The following PCDHGB4 variants were observed in gnomAD, a reference collection of about 807,000 sequenced individuals.
PCDHGB4 encodes the protein protocadherin gamma subfamily B, 4, also known as protocadherin gamma-B4.
Under a neutral mutation model 60.5 loss-of-function variants are expected in PCDHGB4, and 38 were observed. The observed-to-expected ratio is 0.63, with a 90% confidence interval of 0.48 to 0.82. The LOEUF (loss-of-function observed/expected upper bound fraction) is 0.82, where lower values mean the gene tolerates loss of function less well. PCDHGB4 is among the 40% of genes least tolerant of loss of function. The probability of loss-of-function intolerance (pLI) is 0.00; values close to 1 mark genes in which losing one functional copy is unlikely to be tolerated. For missense variants in PCDHGB4, 1,109 were observed against 1,209.6 expected, an observed-to-expected ratio of 0.92 and a Z score of 1.23; for synonymous variants, 456 against 509.7, an observed-to-expected ratio of 0.89 and a Z score of 1.42.
rs752316565 is a variant in PCDHGB4 at position 141,487,235 on chromosome 5, C to T, written c.2398-7572C>T. On this transcript the variant is annotated intron_variant, in intron 1 of 3. Coordinates refer to ENST00000519479, the MANE Select transcript of PCDHGB4 (RefSeq NM_003736.4). This position sits in a 1 kb window ranked among gnomAD's most constrained non-coding sequence, Gnocchi z 5.0. The stretch of plus-strand genomic sequence containing the variant: ...TTCAGCTCCAAGGGAAGGAGAATCT[C>T]GTCTAACCCTCTACTTGGCTGTGTC... The T allele has an allele frequency of 2.5e-6, 4 of 1,614,126 alleles. No individual in the cohort carries two copies. Among genetic ancestry groups the T allele is most frequent in the Non-Finnish European group, 3.4e-6 (4 of 1,179,994 alleles).
rs376101780 is a variant in PCDHGB4, at chr5:141,485,901, A to G, written c.2398-8906A>G. 3 of 1,614,026 alleles carry G rather than the reference A, an allele frequency of 1.9e-6. No homozygotes were observed. In the African/African-American group the frequency reaches 4.0e-5, roughly 22 times the overall value. Reference sequence around the variant, plus strand: ...GTAAACGACAACGCCCCAGCCTTCCAGCAATCCAGCTACAGGATTAGTGTG... The same window carrying G: ...GTAAACGACAACGCCCCAGCCTTCCGGCAATCCAGCTACAGGATTAGTGTG... On this transcript the variant is annotated intron_variant, in intron 1 of 3. Coordinates refer to ENST00000519479, the MANE Select transcript of PCDHGB4 (RefSeq NM_003736.4). This position sits in a 1 kb window ranked among gnomAD's most constrained non-coding sequence, Gnocchi z 5.7.
intron 1 of PCDHGB4, among the ~76,000 whole-genome samples, chr5:141,438,828 A>T (rs1364963084): frequency 6.7e-6 from 1 of 149,956 alleles, no homozygotes; most frequent in Non-Finnish European, 1.5e-5. Context: ...TGCCCAGCTA[A>T]TTTTTTAAAA....
In PCDHGB4 at chr5:141,476,990, C is replaced by A; in HGVS notation, c.2398-17817C>A. On this transcript the variant is annotated intron_variant, in intron 1 of 3. Coordinates refer to ENST00000519479, the MANE Select transcript of PCDHGB4 (RefSeq NM_003736.4). The surrounding 1 kb of genome is among the most constrained non-coding windows in gnomAD (Gnocchi z 7.6). Reference sequence around the variant, plus strand: ...CGGCAGCCACAACCGCGCCGGCGTGCGGCAACTATTCGCCTTAGACCTTGT... The same window carrying A: ...CGGCAGCCACAACCGCGCCGGCGTGAGGCAACTATTCGCCTTAGACCTTGT... The A allele has an allele frequency of 6.2e-7, 1 of 1,614,220 alleles. No individual in the cohort carries two copies. Among genetic ancestry groups the A allele is most frequent in the South Asian group, 1.1e-5 (1 of 91,090 alleles).
intron 1 of PCDHGB4, chr5:141,403,040 C>T: frequency 1.2e-6 from 2 of 1,614,068 alleles, no homozygotes; most frequent in Non-Finnish European, 1.7e-6. Context: ...CAGGGCCAGT[C>T]AGATTCGCTA....
At chr5:141,475,014 C>G (rs2099358221) in intron 1 of PCDHGB4, among the ~76,000 whole-genome samples, 1 of 152,202 alleles carries the variant, frequency 6.6e-6, no homozygotes, top group South Asian at 2.1e-4. Flanking sequence ...AAAGTTAAGG[C>G]TCTTTATTCT....
chr5:141,456,800 TA>T (rs1038857337), intron 1 of PCDHGB4, among the ~76,000 whole-genome samples: 2 of 151,846 alleles, frequency 1.3e-5, no homozygotes, highest in African/African-American at 4.8e-5. Flanking sequence ...CCATCTCTAC[TA>T]AAAATACAAA....
intron 1 of PCDHGB4, chr5:141,410,497 T>TG (rs1192894414): frequency 6.2e-7 from 1 of 1,613,998 alleles, no homozygotes; most frequent in South Asian, 1.1e-5. Flanking sequence ...AAGAGTTTAA[T>TG]TTCCTAAAAT....
At chr5:141,448,200 T>C (rs2098574351) in intron 1 of PCDHGB4, among the ~76,000 whole-genome samples, 1 of 152,156 alleles carries the variant, frequency 6.6e-6, no homozygotes, top group Non-Finnish European at 1.5e-5. Context: ...CTTACAAACA[T>C]TTTCTGTGTG....
At chr5:141,478,755 A>G in intron 1 of PCDHGB4, 1 of 1,519,784 alleles carries the variant, frequency 6.6e-7, no homozygotes, top group South Asian at 1.3e-5. Flanking sequence ...TTCAGGGGGA[A>G]GATACTTGAC....
Position 141,388,371 on chromosome 5 carries a change from G to C in PCDHGB4, c.487G>C (p.Gly163Arg), listed in dbSNP as rs757960562. ...AGGATCTGCCCATGATGCGGATATT[G>C]GTAGCAACACACTGCAGAATTACCA... Reference protein sequence around the residue: ...ILGSAHDADIGSNTLQNYQLS... With the variant: ...ILGSAHDADIRSNTLQNYQLS... The change falls in exon 1 of 4, where the codon GGT (glycine) becomes CGT (arginine). Residue 163 changes from glycine (G) to arginine (R), a missense_variant. Gly to Arg is a moderately radical substitution (Grantham distance 125). Transcript: ENST00000519479. 3.8e-5 allele frequency: 61 copies of C among 1,613,854 alleles called. No homozygotes were observed. In the South Asian group the frequency reaches 6.1e-4, roughly 16 times the overall value.
At chr5:141,423,806 T>A in intron 1 of PCDHGB4, 1 of 1,251,576 alleles carries the variant, frequency 8.0e-7, no homozygotes, top group African/African-American at 1.6e-5. Flanking sequence ...GCAATACATG[T>A]GAGTTTTACT....
intron 2 of PCDHGB4, among the ~76,000 whole-genome samples, chr5:141,504,748 T>A (rs979724181): frequency 7.2e-5 from 11 of 151,880 alleles, no homozygotes; most frequent in Non-Finnish European, 1.3e-4. Context: ...CCATTGAATT[T>A]TAGAAATTTC....
intron 2 of PCDHGB4, among the ~76,000 whole-genome samples, chr5:141,500,768 A>C (rs2099802446): frequency 6.6e-6 from 1 of 152,180 alleles, no homozygotes; most frequent in African/African-American, 2.4e-5. Flanking sequence ...AACTCCTCTT[A>C]TGAATATACA....
intron 1 of PCDHGB4, chr5:141,440,709 A>C (rs1351127132): frequency 1.3e-5 from 2 of 152,216 alleles, no homozygotes; most frequent in Non-Finnish European, 2.9e-5. Context: ...GTGGAAAGAC[A>C]TATGTTGATC....
intron 1 of PCDHGB4, among the ~76,000 whole-genome samples, chr5:141,450,829 A>AT (rs373424450): frequency 7.2e-4 from 97 of 135,128 alleles, no homozygotes; most frequent in East Asian, 1.8e-3. Flanking sequence ...TATTATTATT[A>AT]TTTTTTTTTT....
In PCDHGB4 at chr5:141,389,426, G is replaced by C. The variant is rs868246317; in HGVS notation, c.1542G>C (p.Ala514=). The C allele has an allele frequency of 6.2e-7, 1 of 1,613,498 alleles. No homozygotes were observed. The highest frequency in any genetic ancestry group is 8.5e-7 in the Non-Finnish European group (1 of 1,179,894). ...SISAESGVVF[A]QRAFDHEQLR... is the part of the protein sequence containing the mutation. Reference sequence around the variant, plus strand: ...GCGCGGAGAGCGGGGTGGTGTTCGCGCAGCGCGCCTTCGACCACGAGCAGC... The same window carrying C: ...GCGCGGAGAGCGGGGTGGTGTTCGCCCAGCGCGCCTTCGACCACGAGCAGC... The change falls in exon 1 of 4, where the codon GCG becomes GCC. Residue 514 remains alanine (A), a synonymous_variant. Transcript: ENST00000519479.
chr5:141,477,475 C>A lies in PCDHGB4; in HGVS notation c.2398-17332C>A. ...TTCAAGTGTCCGACATCAATGACAA[C>A]CCTCCACAATCTTCTCAATCTTCCT... On this transcript the variant is annotated intron_variant, in intron 1 of 3. Coordinates refer to ENST00000519479, the MANE Select transcript of PCDHGB4 (RefSeq NM_003736.4). The surrounding 1 kb of genome is among the most constrained non-coding windows in gnomAD (Gnocchi z 4.9). The A allele has an allele frequency of 3.1e-6, 5 of 1,614,124 alleles. No homozygotes were observed. The highest frequency in any genetic ancestry group is 4.2e-6 in the Non-Finnish European group (5 of 1,180,030).
intron 1 of PCDHGB4, chr5:141,478,393 G>A (rs2099452978): frequency 6.2e-7 from 1 of 1,613,488 alleles, no homozygotes; most frequent in South Asian, 1.1e-5. Flanking sequence ...TTTACCATCA[G>A]GTGTATCTCA....
At chr5:141,409,769 G>T (rs1413636372) in intron 1 of PCDHGB4, 3 of 1,612,776 alleles carry the variant, frequency 1.9e-6, no homozygotes, top group Middle Eastern at 1.7e-4. Flanking sequence ...CTTTGATCAC[G>T]AGCAGCTGCG....
Sources: allele counts gnomAD v4.1 joint callset (sites outside exome capture counted in the v4.1 genomes callset), GRCh38; gene constraint gnomAD v4.1.1; non-coding constraint Gnocchi (gnomAD v3.1); transcripts MANE v1.5; gene names NCBI Gene and HGNC (gene_info 2026-07-23, HGNC 2026-07-21).